The following ZPLD1 variants were observed in gnomAD, a reference collection of about 807,000 sequenced individuals.
The protein encoded by ZPLD1 is zona pellucida-like domain-containing protein 1.
Under a neutral mutation model 47.2 loss-of-function variants are expected in ZPLD1, and 34 were observed. That is an observed-to-expected ratio of 0.72 (90% CI 0.55 to 0.96). The LOEUF is 0.96. Among genes scored for constraint, ZPLD1 ranks in the 40% least tolerant of loss-of-function variants. The probability of loss-of-function intolerance (pLI) is 0.00; values close to 1 mark genes in which losing one functional copy is unlikely to be tolerated. For missense variants in ZPLD1, 512 were observed against 505.8 expected (o/e 1.01, Z -0.12); for synonymous variants, 176 against 186.2 (o/e 0.95, Z 0.45).
intron 10 of ZPLD1, 75 bp downstream of exon 10, chr3:102,470,577 C>T (rs1477018954): frequency 2.5e-6 from 3 of 1,199,768 alleles, no homozygotes; most frequent in Admixed American, 2.0e-5. Context: ...CTAACGAGAA[C>T]TCAAAGTGGT....
rs957576109 is a variant in ZPLD1 at position 102,435,090 on chromosome 3, G to A, written c.-187G>A. ...AGTATTTAGGGACTGTGCTAAAATA[G>A]CATCTCCAAGCTTGCTATGGCAAGA... is the stretch of plus-strand genomic sequence containing the variant. On this transcript the variant is annotated 5_prime_UTR_variant, in exon 1 of 12. Coordinates refer to ENST00000466937, the MANE Select transcript of ZPLD1 (RefSeq NM_001329788.2). 5 of 1,613,948 alleles carry A rather than the reference G, an allele frequency of 3.1e-6. No individual in the cohort carries two copies. In the African/African-American group the frequency reaches 4.0e-5, roughly 13 times the overall value.
At chr3:102,458,055 A>G (rs563965756) in intron 6 of ZPLD1, among the ~76,000 whole-genome samples, 2 of 152,318 alleles carry the variant, frequency 1.3e-5, no homozygotes, top group African/African-American at 4.8e-5. Context: ...CTAAAAGTTG[A>G]TATAAGATTT....
At chr3:102,417,601 A>G (rs1248375244) in intron 7 of ZPLD1, among the ~76,000 whole-genome samples, 1 of 151,888 alleles carries the variant, frequency 6.6e-6, no homozygotes, top group African/African-American at 2.4e-5. Flanking sequence ...TCAGCCTCTT[A>G]GTTATTATTA....
rs535229370 is a variant in ZPLD1, at chr3:102,407,068, A to T, written c.-156-10992A>T. On this transcript the variant is annotated intron_variant, in intron 7 of 17. Coordinates refer to the ZPLD1 transcript ENST00000491959. ...CATCTTGAAATGCCATTAAGGTGTG[A>T]TTCTCCTCAAATTTAAGTTTTTCTC... 9.4e-4 allele frequency among the ~76,000 whole-genome samples: 143 copies of T among 151,754 alleles called. 1 individual carries two copies. The highest frequency in any genetic ancestry group is 3.4e-4 in the Non-Finnish European group (23 of 67,820).
At chr3:102,447,863 TA>T (rs1046826834) in intron 3 of ZPLD1, among the ~76,000 whole-genome samples, 1 of 152,216 alleles carries the variant, frequency 6.6e-6, no homozygotes, top group Non-Finnish European at 1.5e-5. Flanking sequence ...TAGAACTTTA[TA>T]GGGGGTAAAG....
intron 8 of ZPLD1, among the ~76,000 whole-genome samples, chr3:102,418,930 A>T (rs1182726256): frequency 6.6e-6 from 1 of 152,060 alleles, no homozygotes; most frequent in African/African-American, 2.4e-5. Context: ...GTTTCCTTCC[A>T]TTCTAATGGC....
chr3:102,422,153 T>C (rs1302861169), intron 8 of ZPLD1, among the ~76,000 whole-genome samples: 1 of 151,998 alleles, frequency 6.6e-6, no homozygotes, highest in Non-Finnish European at 1.5e-5. Context: ...TTAACAAACA[T>C]TACTTGAAAA....
chr3:102,439,150 C>T (rs1707136475), intron 3 of ZPLD1, among the ~76,000 whole-genome samples: 1 of 152,170 alleles, frequency 6.6e-6, no homozygotes, highest in African/African-American at 2.4e-5. Flanking sequence ...TGATAAGTTA[C>T]TCAAGGTTTT....
At position 102,452,900 on chromosome 3, in the gene ZPLD1, T is replaced by G; in HGVS notation, c.107-19T>G. 6.2e-7 allele frequency: 1 copy of G among 1,609,166 alleles called. No individual in the cohort carries two copies. The highest frequency in any genetic ancestry group is 1.1e-5 in the South Asian group (1 of 90,666). ...TGCTTTTCTGACTTATGTTTGTTTTTTATATATTTTTATTTCAGCTGAAAG... is the reference window on the plus strand; with the variant it reads ...TGCTTTTCTGACTTATGTTTGTTTTGTATATATTTTTATTTCAGCTGAAAG... On this transcript the variant is annotated intron_variant, in intron 3 of 11. Coordinates refer to ENST00000466937, the MANE Select transcript of ZPLD1 (RefSeq NM_001329788.2).
At chr3:102,405,083 T>C (rs1706665870) in intron 7 of ZPLD1, among the ~76,000 whole-genome samples, 1 of 151,994 alleles carries the variant, frequency 6.6e-6, no homozygotes, top group Admixed American at 6.6e-5. Flanking sequence ...GATGACTATT[T>C]GCTATATTAC....
At chr3:102,419,483 C>T (rs1190187190) in intron 8 of ZPLD1, among the ~76,000 whole-genome samples, 1 of 151,850 alleles carries the variant, frequency 6.6e-6, no homozygotes, top group Non-Finnish European at 1.5e-5. Context: ...TCATGGTAGA[C>T]ATTACAACAA....
intron 10 of ZPLD1, among the ~76,000 whole-genome samples, chr3:102,474,489 A>G (rs1384275714): frequency 1.3e-5 from 2 of 152,192 alleles, no homozygotes; most frequent in Non-Finnish European, 2.9e-5. Flanking sequence ...CTTAGAGTTC[A>G]GAGGTAGAAA....
At chr3:102,461,438 T>C (rs1467966094) in intron 6 of ZPLD1, among the ~76,000 whole-genome samples, 1 of 151,972 alleles carries the variant, frequency 6.6e-6, no homozygotes, top group East Asian at 1.9e-4. Context: ...ATGATACAAA[T>C]AAGCTCTCTA....
At chr3:102,407,327 C>T (rs1489911006) in intron 7 of ZPLD1, among the ~76,000 whole-genome samples, 1 of 138,790 alleles carries the variant, frequency 7.2e-6, no homozygotes, top group Non-Finnish European at 1.5e-5. Context: ...CTCACCAACT[C>T]TATAACTAAT....
intron 6 of ZPLD1, among the ~76,000 whole-genome samples, chr3:102,458,599 T>C (rs1403983677): frequency 6.6e-6 from 1 of 152,218 alleles, no homozygotes; most frequent in East Asian, 1.9e-4. Flanking sequence ...TTATAATTCA[T>C]GCAACTGATT....
At chr3:102,391,732 C>T (rs1706497815) in intron 6 of ZPLD1, among the ~76,000 whole-genome samples, 1 of 151,962 alleles carries the variant, frequency 6.6e-6, no homozygotes, top group Admixed American at 6.6e-5. Context: ...GAGACCTGTA[C>T]AAATTGCAGA....
intron 3 of ZPLD1, among the ~76,000 whole-genome samples, chr3:102,444,042 A>G (rs1195476336): frequency 2.0e-5 from 3 of 152,236 alleles, no homozygotes; most frequent in Non-Finnish European, 4.4e-5. Context: ...AGTGCAGTGG[A>G]GAAGATAGCA....
chr3:102,462,622 G>A (rs1409877357), intron 7 of ZPLD1, among the ~76,000 whole-genome samples: 1 of 151,784 alleles, frequency 6.6e-6, no homozygotes, highest in African/African-American at 2.4e-5. Context: ...CTTGGAACGG[G>A]GCATGGGAAG....
chr3:102,463,049 A>G (rs889913892), intron 7 of ZPLD1, among the ~76,000 whole-genome samples: 1 of 152,172 alleles, frequency 6.6e-6, no homozygotes, highest in Non-Finnish European at 1.5e-5. Context: ...TGTCCTGAAG[A>G]ATATTTCTAT....
Sources: allele counts gnomAD v4.1 joint callset (sites outside exome capture counted in the v4.1 genomes callset), GRCh38; gene constraint gnomAD v4.1.1; transcripts MANE v1.5; gene names NCBI Gene and HGNC (gene_info 2026-07-23, HGNC 2026-07-21).